ADAMTS12: variants seen among roughly 807,000 people sequenced by gnomAD.
ADAMTS12 encodes A disintegrin and metalloproteinase with thrombospondin motifs 12.
ADAMTS12 carries 118 observed loss-of-function variants against 167.8 expected under a neutral mutation model. The observed-to-expected ratio is 0.70, with a 90% confidence interval of 0.61 to 0.82. The LOEUF (loss-of-function observed/expected upper bound fraction) is 0.82, where lower values mean the gene tolerates loss of function less well. ADAMTS12 is among the 40% of genes least tolerant of loss of function. ADAMTS12 has a pLI of 0.00. For synonymous variants in ADAMTS12, 704 were observed against 716.9 expected (o/e 0.98, Z 0.29); for missense variants, 1,916 against 1,998.8 (o/e 0.96, Z 0.79).
intron 2 of ADAMTS12, among the ~76,000 whole-genome samples, chr5:33,823,273 T>C (rs928115865): frequency 6.6e-6 from 1 of 152,124 alleles, no homozygotes; most frequent in African/African-American, 2.4e-5. Context: ...CATGAATGAG[T>C]GAAGCACACT....
chr5:33,561,193 G>A lies in ADAMTS12; in HGVS notation c.3973-14C>T, dbSNP rs776689171. The A allele has an allele frequency of 3.1e-6, 5 of 1,611,634 alleles. No homozygotes were observed. In the Admixed American group the frequency reaches 8.3e-5, roughly 27 times the overall value. On this transcript the variant is annotated splice_polypyrimidine_tract_variant and intron_variant, in intron 19 of 23. Transcript: ENST00000504830. Reference sequence around the variant, plus strand: ...TGTGGTGGAGCACTGTAGCAGGGAAGGAGAGAGATGACAGAGGCTGAGTGT... The same window carrying A: ...TGTGGTGGAGCACTGTAGCAGGGAAAGAGAGAGATGACAGAGGCTGAGTGT...
intron 9 of ADAMTS12, among the ~76,000 whole-genome samples, chr5:33,646,337 T>C (rs1740662063): frequency 6.6e-6 from 1 of 152,136 alleles, no homozygotes; most frequent in African/African-American, 2.4e-5. Context: ...GCAAACCTAG[T>C]TACTTAGGTC....
chr5:33,883,775 A>C (rs1346038664), intron 1 of ADAMTS12, among the ~76,000 whole-genome samples: 1 of 152,302 alleles, frequency 6.6e-6, no homozygotes, highest in Non-Finnish European at 1.5e-5. Context: ...CTTTTTCGCA[A>C]ATTCATGATA....
At position 33,779,048 on chromosome 5, in the gene ADAMTS12, G is replaced by C. The variant is rs372378490; in HGVS notation, c.490-27500C>G. On this transcript the variant is annotated intron_variant, in intron 2 of 23. Coordinates refer to ENST00000504830, the MANE Select transcript of ADAMTS12 (RefSeq NM_030955.4). Reference sequence around the variant, plus strand: ...TGTGGAGAAAATGAAACCCTTGCACGCTGTTAGTGGGGATGTAAATTAGAA... The same window carrying C: ...TGTGGAGAAAATGAAACCCTTGCACCCTGTTAGTGGGGATGTAAATTAGAA... Among the ~76,000 whole-genome samples the C allele has an allele frequency of 1.1e-4, 17 of 152,186 alleles. No homozygotes were observed. In the East Asian group the frequency reaches 2.1e-3, roughly 19 times the overall value.
intron 19 of ADAMTS12, among the ~76,000 whole-genome samples, chr5:33,571,650 G>A (rs1455014929): frequency 6.6e-6 from 1 of 151,282 alleles, no homozygotes; most frequent in Non-Finnish European, 1.5e-5. Context: ...AAGCAGGAAA[G>A]ATCCAAAATT....
At chr5:33,598,478 G>A (rs1337164747) in intron 16 of ADAMTS12, among the ~76,000 whole-genome samples, 2 of 152,186 alleles carry the variant, frequency 1.3e-5, no homozygotes, top group African/African-American at 4.8e-5. Context: ...ACATCACTGG[G>A]TTTAGTCTGT....
intron 3 of ADAMTS12, among the ~76,000 whole-genome samples, chr5:33,737,237 T>A (rs954795179): frequency 3.9e-5 from 6 of 152,186 alleles, no homozygotes; most frequent in African/African-American, 1.2e-4. Context: ...TTGGAAGAAC[T>A]CCCTCTTCCA....
intron 13 of ADAMTS12, among the ~76,000 whole-genome samples, chr5:33,627,800 T>C (rs556160893): frequency 6.6e-6 from 1 of 152,246 alleles, no homozygotes; most frequent in South Asian, 2.1e-4. Flanking sequence ...GTTTAGTGTA[T>C]CACTGAGATG....
At chr5:33,541,971 C>G (rs1330101517) in intron 22 of ADAMTS12, among the ~76,000 whole-genome samples, 2 of 152,166 alleles carry the variant, frequency 1.3e-5, no homozygotes, top group Non-Finnish European at 2.9e-5. Flanking sequence ...ATGACAGGAT[C>G]AAATTCACAC....
intron 16 of ADAMTS12, among the ~76,000 whole-genome samples, chr5:33,603,142 C>A (rs964872889): frequency 6.6e-6 from 1 of 152,150 alleles, no homozygotes; most frequent in East Asian, 1.9e-4. Flanking sequence ...AAGTGAGGAG[C>A]TATTTTCCAG....
chr5:33,777,931 G>A (rs894385411), intron 2 of ADAMTS12, among the ~76,000 whole-genome samples: 1 of 151,426 alleles, frequency 6.6e-6, no homozygotes, highest in Non-Finnish European at 1.5e-5. Flanking sequence ...TATAATAGGA[G>A]AAACAAAAAT....
At chr5:33,766,081 T>C (rs1023325027) in intron 2 of ADAMTS12, among the ~76,000 whole-genome samples, 5 of 152,170 alleles carry the variant, frequency 3.3e-5, no homozygotes, top group Non-Finnish European at 7.4e-5. Flanking sequence ...GATTTCCAAA[T>C]AGTTTAATCT....
intron 7 of ADAMTS12, 139 bp from the exon 8 acceptor site, chr5:33,649,836 T>C: frequency 1.7e-6 from 2 of 1,157,694 alleles, no homozygotes; most frequent in Non-Finnish European, 2.4e-6. Flanking sequence ...AAGTGAGACT[T>C]TGAAGTCGGA....
chr5:33,559,655 C>T (rs772984517), intron 20 of ADAMTS12, among the ~76,000 whole-genome samples: 2 of 152,154 alleles, frequency 1.3e-5, no homozygotes, highest in Non-Finnish European at 2.9e-5. Flanking sequence ...CCAAGGCAGG[C>T]GGACCACTTG....
At chr5:33,882,303 A>T (rs1397532393) in intron 1 of ADAMTS12, among the ~76,000 whole-genome samples, 1 of 152,230 alleles carries the variant, frequency 6.6e-6, no homozygotes, top group Non-Finnish European at 1.5e-5. Flanking sequence ...GAGTGCATAA[A>T]AGAAGCTGGG....
intron 5 of ADAMTS12, among the ~76,000 whole-genome samples, chr5:33,678,000 C>T (rs771309691): frequency 4.6e-5 from 7 of 151,956 alleles, no homozygotes; most frequent in Admixed American, 1.3e-4. Flanking sequence ...TTGAAACCAC[C>T]GCAGAAAAAT....
chr5:33,663,085 C>T (rs1353497731), intron 5 of ADAMTS12, among the ~76,000 whole-genome samples: 1 of 152,242 alleles, frequency 6.6e-6, no homozygotes, highest in Non-Finnish European at 1.5e-5. Context: ...TTTAGGTCTC[C>T]TCGTCATAAG....
At chr5:33,648,219 A>G (rs1740749983) in intron 9 of ADAMTS12, among the ~76,000 whole-genome samples, 2 of 152,296 alleles carry the variant, frequency 1.3e-5, no homozygotes, top group East Asian at 1.9e-4. Flanking sequence ...CCACGGTTAC[A>G]TTGTGTTTTT....
chr5:33,836,013 G>T lies in ADAMTS12; in HGVS notation c.489+45106C>A, dbSNP rs940697875. On this transcript the variant is annotated intron_variant, in intron 2 of 23. Transcript: ENST00000504830. The stretch of plus-strand genomic sequence containing the variant: ...GCTAAGACCCAAATAAGGGAAATAG[G>T]CAACATATGCTCCAGAAGCTCAGCA... 2.0e-5 allele frequency among the ~76,000 whole-genome samples: 3 copies of T among 149,572 alleles called. No homozygotes were observed. In the East Asian group the frequency reaches 6.0e-4, roughly 30 times the overall value.
Sources: gnomAD v4.1 joint callset for allele counts (sites outside exome capture counted in the v4.1 genomes callset) on GRCh38, gnomAD v4.1.1 for gene constraint, MANE v1.5 for transcripts, NCBI Gene and HGNC (gene_info 2026-07-23, HGNC 2026-07-21) for gene names.